TPRG1: variants seen among roughly 807,000 people sequenced by gnomAD.
The protein encoded by TPRG1 is tumor protein p63 regulated 1, also known as tumor protein p63-regulated gene 1 protein.
TPRG1 carries 29 observed loss-of-function variants against 29.3 expected under a neutral mutation model. The ratio of observed to expected loss-of-function variants is 0.99; its 90% confidence interval spans 0.74 to 1.35. TPRG1 has a LOEUF of 1.35. Among genes scored for constraint, TPRG1 ranks in the 40% most tolerant of loss-of-function variants. The pLI is 0.00. For missense variants in TPRG1, 327 were observed against 335.0 expected, an observed-to-expected ratio of 0.98 and a Z score of 0.19; for synonymous variants, 130 against 116.8, an observed-to-expected ratio of 1.11 and a Z score of -0.73.
At chr3:189,214,911 A>G (rs1484851992) in intron 2 of TPRG1, among the ~76,000 whole-genome samples, 1 of 151,440 alleles carries the variant, frequency 6.6e-6, no homozygotes, top group African/African-American at 2.4e-5. Context: ...GAAGAAGGCT[A>G]TGTTGTTTTT....
At chr3:189,208,424 A>G (rs1734743233) in intron 2 of TPRG1, among the ~76,000 whole-genome samples, 1 of 152,026 alleles carries the variant, frequency 6.6e-6, no homozygotes, top group Non-Finnish European at 1.5e-5. Flanking sequence ...ATCTTTTTGG[A>G]AAAAAAATGT....
chr3:189,041,873 A>C (rs1714656000), intron 4 of TPRG1, among the ~76,000 whole-genome samples: 1 of 152,194 alleles, frequency 6.6e-6, no homozygotes, highest in Admixed American at 6.5e-5. Context: ...TAGGATGTTG[A>C]ACGTAAAATA....
At chr3:189,079,708 C>A (rs1424004905) in intron 4 of TPRG1, among the ~76,000 whole-genome samples, 4 of 152,148 alleles carry the variant, frequency 2.6e-5, no homozygotes, top group Non-Finnish European at 5.9e-5. Flanking sequence ...CCCAGTAGTA[C>A]AACATGCAAT....
chr3:189,060,074 A>T (rs2152143994), intron 4 of TPRG1, among the ~76,000 whole-genome samples: 1 of 152,176 alleles, frequency 6.6e-6, no homozygotes, highest in South Asian at 2.1e-4. Context: ...CTCTACTAAA[A>T]ATACAAAATT....
intron 4 of TPRG1, among the ~76,000 whole-genome samples, chr3:189,306,553 C>A (rs1223117195): frequency 6.6e-6 from 1 of 152,224 alleles, no homozygotes; most frequent in South Asian, 2.1e-4. Flanking sequence ...CCTTTCCCTG[C>A]CCCTTTTTTA....
At chr3:189,285,847 T>G (rs895003154) in intron 4 of TPRG1, among the ~76,000 whole-genome samples, 1 of 152,236 alleles carries the variant, frequency 6.6e-6, no homozygotes, top group Admixed American at 6.5e-5. Flanking sequence ...ACTATCTCCA[T>G]AGAGACTTCT....
intron 4 of TPRG1, among the ~76,000 whole-genome samples, chr3:189,260,331 G>T (rs1255802741): frequency 2.0e-5 from 3 of 152,108 alleles, no homozygotes; most frequent in African/African-American, 7.2e-5. Flanking sequence ...CAGGGACCTG[G>T]GTCCTGATAC....
At chr3:189,017,020 T>A (rs73199102) in intron 3 of TPRG1, among the ~76,000 whole-genome samples, 11,097 of 152,170 alleles carry the variant, frequency 0.073, 816 homozygotes, top group African/African-American at 0.18. Flanking sequence ...GATGATATCC[T>A]GAAATATGTT....
intron 4 of TPRG1, among the ~76,000 whole-genome samples, chr3:189,249,808 A>G (rs1741886850): frequency 6.6e-6 from 1 of 152,090 alleles, no homozygotes; most frequent in Admixed American, 6.6e-5. Context: ...TCCCATTTAC[A>G]AGAACATCCC....
At chr3:189,234,723 G>T (rs188077138) in intron 3 of TPRG1, among the ~76,000 whole-genome samples, 1 of 152,316 alleles carries the variant, frequency 6.6e-6, no homozygotes. Flanking sequence ...GAGACACAAG[G>T]CTAAGAACTG....
chr3:189,001,780 C>T (rs1262772458), intron 2 of TPRG1, among the ~76,000 whole-genome samples: 8 of 152,040 alleles, frequency 5.3e-5, no homozygotes, highest in Admixed American at 5.2e-4. Context: ...AAATGAGCTC[C>T]ATGACTCACT....
intron 2 of TPRG1, chr3:189,211,938 A>G (rs1735327936): frequency 6.6e-6 from 1 of 152,040 alleles, no homozygotes; most frequent in Admixed American, 6.6e-5. Context: ...AGACGTATCT[A>G]AAAAAAGGCC....
At chr3:189,287,983 TTTAAG>T (rs1268445167) in intron 4 of TPRG1, among the ~76,000 whole-genome samples, 1 of 151,790 alleles carries the variant, frequency 6.6e-6, no homozygotes, top group Non-Finnish European at 1.5e-5. Flanking sequence ...ATTAAAAAAA[TTTAAG>T]TTAATAAAAT....
intron 4 of TPRG1, among the ~76,000 whole-genome samples, chr3:189,036,315 A>T (rs1714266053): frequency 6.6e-6 from 1 of 152,106 alleles, no homozygotes; most frequent in African/African-American, 2.4e-5. Context: ...TAAAATTAGT[A>T]CTGTTGGGTA....
intron 1 of TPRG1, among the ~76,000 whole-genome samples, chr3:189,184,020 G>A (rs1390363053): frequency 6.6e-6 from 1 of 152,124 alleles, no homozygotes; most frequent in Non-Finnish European, 1.5e-5. Context: ...ACAGGTGTAA[G>A]AAATTATAAA....
At chr3:189,299,587 T>C (rs888358394) in intron 4 of TPRG1, among the ~76,000 whole-genome samples, 4 of 151,642 alleles carry the variant, frequency 2.6e-5, no homozygotes, top group African/African-American at 9.7e-5. Context: ...ATCACTCTGC[T>C]CTGAGGAATG....
At chr3:189,320,547 G>A in intron 5 of TPRG1, 79 bp from the exon 6 acceptor site, 2 of 1,298,842 alleles carry the variant, frequency 1.5e-6, no homozygotes, top group South Asian at 3.3e-5. Flanking sequence ...CAACTTCTGT[G>A]AAGACTGGCT....
intron 4 of TPRG1, among the ~76,000 whole-genome samples, chr3:189,288,719 A>C (rs1718493658): frequency 6.6e-6 from 1 of 152,276 alleles, no homozygotes; most frequent in Non-Finnish European, 1.5e-5. Flanking sequence ...CGCAGTTTCA[A>C]AACTTTAAAT....
At chr3:189,234,620 G>A (rs145379038) in intron 3 of TPRG1, among the ~76,000 whole-genome samples, 15 of 152,304 alleles carry the variant, frequency 9.8e-5, no homozygotes, top group African/African-American at 3.6e-4. Context: ...TCCCCAAACA[G>A]CATGAACCAA....
Sources: gnomAD v4.1 joint callset for allele counts (sites outside exome capture counted in the v4.1 genomes callset) on GRCh38, gnomAD v4.1.1 for gene constraint, MANE v1.5 for transcripts, NCBI Gene and HGNC (gene_info 2026-07-23, HGNC 2026-07-21) for gene names.